Variants in RABGAP1L observed in about 807,000 individuals in gnomAD.
The protein encoded by RABGAP1L is rab GTPase-activating protein 1-like.
A neutral mutation model predicts 137.7 loss-of-function variants in RABGAP1L; 63 were observed. The observed-to-expected ratio is 0.46, with a 90% CI of 0.37 to 0.56. The LOEUF (loss-of-function observed/expected upper bound fraction) is 0.56, where lower values mean the gene tolerates loss of function less well. Among genes scored for constraint, RABGAP1L ranks in the 20% least tolerant of loss-of-function variants. The pLI is 0.00. For synonymous variants in RABGAP1L, 431 were observed against 433.7 expected (o/e 0.99, Z 0.08); for missense variants, 1,095 against 1,244.0 (o/e 0.88, Z 1.80).
At chr1:174,671,632 A>T (rs1443209570) in intron 14 of RABGAP1L, among the ~76,000 whole-genome samples, 3 of 152,214 alleles carry the variant, frequency 2.0e-5, no homozygotes, top group Non-Finnish European at 4.4e-5. Flanking sequence ...ATAGTGAATC[A>T]TCCTTGCATC....
intron 13 of RABGAP1L, among the ~76,000 whole-genome samples, chr1:174,549,040 C>G (rs2147973231): frequency 6.6e-6 from 1 of 152,238 alleles, no homozygotes; most frequent in South Asian, 2.1e-4. Context: ...TTCAGTGTAT[C>G]TAAAACCATG....
intron 15 of RABGAP1L, among the ~76,000 whole-genome samples, chr1:174,690,521 C>T (rs1678795809): frequency 6.6e-6 from 1 of 151,988 alleles, no homozygotes; most frequent in South Asian, 2.1e-4. Flanking sequence ...ATAATGGTAA[C>T]TGTTGCTGTT....
In RABGAP1L at chr1:174,989,866, A is replaced by G; in HGVS notation, c.3021A>G (p.Arg1007=). The part of the protein sequence containing the change: ...KCKIQELEHQ[R]GALMNEIQAA... ...TTAATTAGGAACTTGAACATCAGAGAGGAGCCCTTATGAATGAAATCCAAG... is the reference window on the plus strand; with the variant it reads ...TTAATTAGGAACTTGAACATCAGAGGGGAGCCCTTATGAATGAAATCCAAG... Residue 1007 remains arginine, a synonymous_variant, in exon 26 of 26, where the codon AGA becomes AGG. Transcript: ENST00000681986. 1 of 1,550,620 alleles carries G rather than the reference A, an allele frequency of 6.4e-7. No individual in the cohort carries two copies. Among genetic ancestry groups the G allele is most frequent in the African/African-American group, 1.4e-5 (1 of 73,152 alleles).
At chr1:174,520,996 T>C (rs888608542) in intron 13 of RABGAP1L, among the ~76,000 whole-genome samples, 1 of 152,088 alleles carries the variant, frequency 6.6e-6, no homozygotes, top group African/African-American at 2.4e-5. Context: ...CGAGACTCTG[T>C]TGCAAAAAAA....
At chr1:174,886,310 C>T (rs896262014) in intron 19 of RABGAP1L, among the ~76,000 whole-genome samples, 5 of 152,166 alleles carry the variant, frequency 3.3e-5, no homozygotes, top group South Asian at 2.1e-4. Context: ...CCGCGCCTGG[C>T]GAGAAACCAA....
intron 19 of RABGAP1L, among the ~76,000 whole-genome samples, chr1:174,847,401 G>A (rs1694189261): frequency 1.3e-5 from 2 of 151,132 alleles, no homozygotes. Flanking sequence ...CTTCCTTCAG[G>A]AGCTCTTTTA....
At chr1:174,350,215 G>T (rs1158335540) in intron 11 of RABGAP1L, among the ~76,000 whole-genome samples, 1 of 140,126 alleles carries the variant, frequency 7.1e-6, no homozygotes, top group Non-Finnish European at 1.6e-5. Flanking sequence ...CCTCCCGGAC[G>T]GGGTGGCTGC....
At chr1:174,563,003 TAA>T (rs147297857) in intron 13 of RABGAP1L, among the ~76,000 whole-genome samples, 3,191 of 152,128 alleles carry the variant, frequency 0.021, 116 homozygotes, top group African/African-American at 0.074. Context: ...TAAAGTATAA[TAA>T]AAAAAGAAAT....
At chr1:174,835,983 C>T (rs749433125) in intron 19 of RABGAP1L, among the ~76,000 whole-genome samples, 5 of 152,184 alleles carry the variant, frequency 3.3e-5, no homozygotes, top group East Asian at 1.9e-4. Flanking sequence ...CCTAAAATGA[C>T]TGCATGGTTC....
chr1:174,333,802 A>G (rs78683861), intron 11 of RABGAP1L, among the ~76,000 whole-genome samples: 17,871 of 152,236 alleles, frequency 0.12, 1,384 homozygotes, highest in South Asian at 0.17. Flanking sequence ...TCTGGAGCAG[A>G]GCGTGGAACA....
intron 18 of RABGAP1L, among the ~76,000 whole-genome samples, chr1:174,803,658 T>C (rs1573271008): frequency 6.6e-6 from 1 of 151,970 alleles, no homozygotes; most frequent in Admixed American, 6.6e-5. Flanking sequence ...ACATAGAATC[T>C]GCTGCTTATT....
chr1:174,980,896 G>A (rs1449908008), intron 23 of RABGAP1L, among the ~76,000 whole-genome samples: 2 of 148,302 alleles, frequency 1.3e-5, no homozygotes, highest in African/African-American at 5.0e-5. Context: ...AGACACAAAA[G>A]ACAGTTTTTT....
At chr1:174,555,558 C>A (rs879277854) in intron 13 of RABGAP1L, among the ~76,000 whole-genome samples, 11 of 151,958 alleles carry the variant, frequency 7.2e-5, no homozygotes, top group Non-Finnish European at 1.6e-4. Flanking sequence ...ATGTATGTTC[C>A]CTTTCTTTAA....
chr1:174,964,014 A>G (rs1454651208), intron 20 of RABGAP1L, among the ~76,000 whole-genome samples: 3 of 152,202 alleles, frequency 2.0e-5, no homozygotes, highest in Non-Finnish European at 4.4e-5. Context: ...TACAAAGATA[A>G]AATTGGATGT....
intron 14 of RABGAP1L, among the ~76,000 whole-genome samples, chr1:174,669,357 A>T (rs928432218): frequency 6.6e-6 from 1 of 152,138 alleles, no homozygotes; most frequent in South Asian, 2.1e-4. Context: ...GCAATTCAAG[A>T]TGAGATTTTA....
rs74893388 is a variant in RABGAP1L, at chr1:174,302,218, C to T, written c.1324-2768C>T. Among the ~76,000 whole-genome samples, 1,446 of 152,304 alleles carry T rather than the reference C, an allele frequency of 9.5e-3. 23 individuals carry two copies. Among genetic ancestry groups the T allele is most frequent in the African/African-American group, 0.033 (1,387 of 41,560 alleles). ...TAGGACACAGAAGCCACTTTTGCTG[C>T]TTCATTATTCCTGAACATTACTTGC... On this transcript the variant is annotated intron_variant, in intron 10 of 25. Coordinates refer to ENST00000681986, the MANE Select transcript of RABGAP1L (RefSeq NM_001366446.1).
chr1:174,885,152 A>G (rs1285062919), intron 19 of RABGAP1L, among the ~76,000 whole-genome samples: 2 of 152,190 alleles, frequency 1.3e-5, no homozygotes, highest in Non-Finnish European at 2.9e-5. Flanking sequence ...TGTTATATCT[A>G]AAGTAAACCT....
intron 17 of RABGAP1L, among the ~76,000 whole-genome samples, chr1:174,708,742 T>C (rs990678952): frequency 6.6e-6 from 1 of 152,220 alleles, no homozygotes; most frequent in Non-Finnish European, 1.5e-5. Flanking sequence ...CCAAGCTAGC[T>C]GCAGGAGTTT....
rs147499775 is a variant in RABGAP1L, at chr1:174,924,548, A to G, written c.2341-32909A>G. 5.5e-4 allele frequency among the ~76,000 whole-genome samples: 83 copies of G among 152,262 alleles called. 1 individual carries two copies. Among genetic ancestry groups the G allele is most frequent in the African/African-American group, 1.9e-3 (80 of 41,566 alleles). ...GACTTTGCTTCCTACTTCGCAGAGCATTTAGGGTAATTGGATTCTGCTCAG... is the reference window on the plus strand; with the variant it reads ...GACTTTGCTTCCTACTTCGCAGAGCGTTTAGGGTAATTGGATTCTGCTCAG... On this transcript the variant is annotated intron_variant, in intron 19 of 25. Coordinates refer to ENST00000681986, the MANE Select transcript of RABGAP1L (RefSeq NM_001366446.1).
Sources: allele counts gnomAD v4.1 joint callset (sites outside exome capture counted in the v4.1 genomes callset), GRCh38; gene constraint gnomAD v4.1.1; transcripts MANE v1.5; gene names NCBI Gene and HGNC (gene_info 2026-07-23, HGNC 2026-07-21).